The following IL12RB1 variants were observed in gnomAD, a reference collection of about 807,000 sequenced individuals.
IL12RB1 encodes interleukin-12 receptor subunit beta-1.
IL12RB1 carries 64 observed loss-of-function variants against 94.4 expected under a neutral mutation model. The observed-to-expected ratio is 0.68, with a 90% CI of 0.55 to 0.83. The LOEUF is 0.83. Among genes scored for constraint, IL12RB1 ranks in the 40% least tolerant of loss-of-function variants. The probability of loss-of-function intolerance (pLI) is 0.00; values close to 1 mark genes in which losing one functional copy is unlikely to be tolerated. For missense variants in IL12RB1, 814 were observed against 855.6 expected (o/e 0.95, Z 0.61); for synonymous variants, 362 against 355.5 (o/e 1.02, Z -0.21).
intron 14 of IL12RB1, 35 bp from the exon 15 acceptor site, chr19:18,061,232 G>GTTT: frequency 2.9e-6 from 3 of 1,033,834 alleles, no homozygotes; most frequent in Non-Finnish European, 4.2e-6. Context: ...GAGGAGCTGA[G>GTTT]GTTTTTTTTT....
chr19:18,098,780 CTG>C (rs1472716403), exon 1 of IL12RB1: 1 of 456,716 alleles, frequency 2.2e-6, no homozygotes, highest in Non-Finnish European at 4.4e-6. Flanking sequence ...GGAGCGCCTG[CTG>C]TGTGCCTGGC....
At chr19:18,061,955 G>A (rs756484622) in intron 14 of IL12RB1, among the ~76,000 whole-genome samples, 107 of 152,116 alleles carry the variant, frequency 7.0e-4, no homozygotes, top group Non-Finnish European at 1.1e-3. Flanking sequence ...CTGCAAAACC[G>A]CTCTCAGCGG....
intron 9 of IL12RB1, 98 bp downstream of exon 9, chr19:18,072,014 T>G: frequency 1.2e-6 from 1 of 843,618 alleles, no homozygotes; most frequent in East Asian, 2.5e-5. Flanking sequence ...CTTTAAAATT[T>G]TCTGCCTCGC....
intron 3 of IL12RB1, among the ~76,000 whole-genome samples, 167 bp downstream of exon 3, chr19:18,081,983 C>T (rs1236100735): frequency 6.6e-6 from 1 of 152,018 alleles, no homozygotes; most frequent in Non-Finnish European, 1.5e-5. Flanking sequence ...CACTGACCAA[C>T]CCCCCACCAC....
At chr19:18,094,460 A>G (rs914720889) in intron 1 of IL12RB1, among the ~76,000 whole-genome samples, 2 of 152,178 alleles carry the variant, frequency 1.3e-5, no homozygotes, top group Admixed American at 1.3e-4. Context: ...ACTATGTCCC[A>G]AGTACTGAAG....
intron 14 of IL12RB1, among the ~76,000 whole-genome samples, chr19:18,061,860 C>T (rs2034154324): frequency 2.1e-5 from 1 of 48,686 alleles, no homozygotes; most frequent in Non-Finnish European, 5.0e-5. Context: ...AAGACTCCAT[C>T]TCAAAAAAGA....
Position 18,063,876 on chromosome 19 carries a change from CG to C in IL12RB1, c.1617del (p.Ile539MetfsTer19). The C allele has an allele frequency of 6.2e-7, 1 of 1,612,914 alleles. No homozygotes were observed. Among genetic ancestry groups the C allele is most frequent in the African/African-American group, 1.3e-5 (1 of 75,020 alleles). On this transcript the variant is annotated frameshift_variant and splice_region_variant, in exon 13 of 17. Coordinates refer to ENST00000593993, the MANE Select transcript of IL12RB1 (RefSeq NM_005535.3). LOFTEE classifies it high-confidence loss of function. ...ACTGGGTCCTACCCCCTCCACTCACCGATGCTGAAGCGCTGGGGCTGGCTCC... is the reference window on the plus strand; with the variant it reads ...ACTGGGTCCTACCCCCTCCACTCACCATGCTGAAGCGCTGGGGCTGGCTCC... ...GVWSQPQRFS[I>X]EVQVSDWLIF...
chr19:18,068,118 T>C (rs924310151), intron 11 of IL12RB1, among the ~76,000 whole-genome samples: 9 of 133,700 alleles, frequency 6.7e-5, no homozygotes, highest in Non-Finnish European at 9.3e-5. Flanking sequence ...CTCCGCCTCC[T>C]GGGTTCAAGC....
At chr19:18,073,965 C>G (rs185656031) in intron 7 of IL12RB1, among the ~76,000 whole-genome samples, 1 of 152,296 alleles carries the variant, frequency 6.6e-6, no homozygotes, top group East Asian at 1.9e-4. Context: ...GCTGGGATTA[C>G]AGGCATGCAC....
rs560307985 is a variant in IL12RB1, at chr19:18,060,104, G to A, written c.1792-19C>T. On this transcript the variant is annotated intron_variant, in intron 15 of 16. Transcript: ENST00000593993. ...GCCAAGTCTGCAGAGGGAGGGTAGG[G>A]CCACAGCTGTGAGCAGAGCTCTACT... 9 of 1,457,164 alleles carry A rather than the reference G, an allele frequency of 6.2e-6. No homozygotes were observed. The highest frequency in any genetic ancestry group is 8.6e-6 in the Non-Finnish European group (9 of 1,042,146). 90.3% of individuals were successfully genotyped at this position (1,457,164 alleles called of 1,614,324 possible). A position where few individuals can be genotyped will look rare whatever the true frequency, so the allele number is the denominator to read the frequency against.
chr19:18,063,956 C>G lies in IL12RB1; in HGVS notation c.1538G>C (p.Gly513Ala). The G allele has an allele frequency of 6.2e-7, 1 of 1,612,464 alleles. No individual in the cohort carries two copies. The highest frequency in any genetic ancestry group is 8.5e-7 in the Non-Finnish European group (1 of 1,178,722). ...TQVTLSGLRA[G>A]VAYTVQVRAD... is the part of the protein sequence containing the mutation. ...TCGCACCTGCACCGTGTAGGCTACACCAGCCCGCAGGCCACTGAGGGTAAC... is the reference window on the plus strand; with the variant it reads ...TCGCACCTGCACCGTGTAGGCTACAGCAGCCCGCAGGCCACTGAGGGTAAC... Residue 513 changes from glycine (G) to alanine (A), a missense_variant, in exon 13 of 17, where the codon GGT becomes GCT. Physicochemically the swap from Gly to Ala is moderately conservative, Grantham distance 60. Transcript: ENST00000593993.
At chr19:18,082,398 TC>T (rs2035981456) in intron 2 of IL12RB1, 134 bp from the exon 3 acceptor site, 1 of 685,756 alleles carries the variant, frequency 1.5e-6, no homozygotes, top group African/African-American at 1.8e-5. Context: ...TCCTACCTCA[TC>T]CCCTGCCGTC....
chr19:18,073,566 A>G lies in IL12RB1; in HGVS notation c.734T>C (p.Val245Ala), dbSNP rs1261756900. The G allele has an allele frequency of 3.7e-6, 6 of 1,613,014 alleles. No individual in the cohort carries two copies. The African/African-American group carries it at 6.7e-5, about 18-fold the overall frequency. Residue 245 changes from valine to alanine, a missense_variant, in exon 8 of 17, where the codon GTG becomes GCG. By Grantham distance (64) the Val-to-Ala change is moderately conservative. Coordinates refer to ENST00000593993, the MANE Select transcript of IL12RB1 (RefSeq NM_005535.3). ...NPPQPQVRFS[V>A]EQLGQDGRRR... ...CCTCCCATCCTGGCCCAGCTGCTCCACCGAGAATCTCACCTGAGGCTGTGG... is the reference window on the plus strand; with the variant it reads ...CCTCCCATCCTGGCCCAGCTGCTCCGCCGAGAATCTCACCTGAGGCTGTGG...
chr19:18,097,793 A>G (rs1287754393), intron 1 of IL12RB1: 4 of 1,218,698 alleles, frequency 3.3e-6, no homozygotes, highest in Non-Finnish European at 4.1e-6. Context: ...CTCCCGGGCC[A>G]TGGACGAGTC....
intron 2 of IL12RB1, chr19:18,083,015 G>A (rs1028752111): frequency 3.4e-6 from 1 of 292,110 alleles, no homozygotes; most frequent in East Asian, 8.8e-5. Context: ...CCTGGAAGGT[G>A]GAGGTGGCAG....
chr19:18,097,920 G>A (rs1212731352), intron 1 of IL12RB1: 2 of 1,050,134 alleles, frequency 1.9e-6, no homozygotes, highest in Non-Finnish European at 2.4e-6. Context: ...GGGCCTTCAC[G>A]GGCTGTAGGG....
chr19:18,073,828 G>GTTTT (rs1224975169), intron 7 of IL12RB1, among the ~76,000 whole-genome samples: 1 of 152,182 alleles, frequency 6.6e-6, no homozygotes, highest in African/African-American at 2.4e-5. Context: ...TTGTTTGTTT[G>GTTTT]TTCGTTTGCT....
intron 15 of IL12RB1, among the ~76,000 whole-genome samples, chr19:18,060,347 C>T (rs955071980): frequency 1.3e-5 from 2 of 152,170 alleles, no homozygotes; most frequent in African/African-American, 2.4e-5. Context: ...AGCTTGGTTG[C>T]GCACGCCTGT....
At chr19:18,092,100 T>A (rs1336317027) in intron 1 of IL12RB1, among the ~76,000 whole-genome samples, 1 of 151,416 alleles carries the variant, frequency 6.6e-6, no homozygotes, top group Non-Finnish European at 1.5e-5. Flanking sequence ...TGGTCTCAAA[T>A]GCCTGACCTT....
Sources: gnomAD v4.1 joint callset for allele counts (sites outside exome capture counted in the v4.1 genomes callset) on GRCh38, gnomAD v4.1.1 for gene constraint, MANE v1.5 for transcripts, NCBI Gene and HGNC (gene_info 2026-07-23, HGNC 2026-07-21) for gene names.